FREM2: variants seen among roughly 807,000 people sequenced by gnomAD.
FREM2 encodes the protein FRAS1 related extracellular matrix 2, also known as FRAS1-related extracellular matrix protein 2.
A neutral mutation model predicts 219.9 loss-of-function variants in FREM2; 119 were observed. The ratio of observed to expected loss-of-function variants is 0.54; its 90% CI spans 0.47 to 0.63. FREM2 has a LOEUF of 0.63. FREM2 is among the 30% of genes least tolerant of loss of function. FREM2 has a pLI of 0.00. For synonymous variants in FREM2, 1,562 were observed against 1,522.8 expected (o/e 1.03, Z -0.60); for missense variants, 4,030 against 3,993.6 (o/e 1.01, Z -0.25).
chr13:38,811,114 C>T (rs1321324445), intron 6 of FREM2, among the ~76,000 whole-genome samples: 4 of 151,898 alleles, frequency 2.6e-5, no homozygotes, highest in Non-Finnish European at 5.9e-5. Context: ...TATGGTTACT[C>T]ATAGTCACTA....
intron 6 of FREM2, among the ~76,000 whole-genome samples, chr13:38,818,023 T>TA (rs1382846970): frequency 6.6e-6 from 1 of 151,972 alleles, no homozygotes; most frequent in African/African-American, 2.4e-5. Flanking sequence ...ATGGCTATTA[T>TA]AAAAAAAGAC....
intron 19 of FREM2, 32 bp downstream of exon 19, chr13:38,876,181 T>A: frequency 6.2e-7 from 1 of 1,614,124 alleles, no homozygotes; most frequent in Non-Finnish European, 8.5e-7. Flanking sequence ...TTAATTTTCT[T>A]CTGCTGCTGC....
rs541111703 is a variant in FREM2, at chr13:38,783,313, T to C, written c.5767+118T>C. 174 of 1,089,638 alleles carry C rather than the reference T, an allele frequency of 1.6e-4. No homozygotes were observed. In the African/African-American group the frequency reaches 2.4e-3, roughly 15 times the overall value. 67.5% of individuals were successfully genotyped at this position (1,089,638 alleles called of 1,614,324 possible). Reference sequence around the variant, plus strand: ...GTATACTTTATTAATTTTCCATAGATACAGAAAAGGATTTATTTAGAAGTC... The same window carrying C: ...GTATACTTTATTAATTTTCCATAGACACAGAAAAGGATTTATTTAGAAGTC... On this transcript the variant is annotated intron_variant, in intron 5 of 23. Transcript: ENST00000280481.
At chr13:38,869,025 G>A (rs1878067843) in intron 16 of FREM2, among the ~76,000 whole-genome samples, 1 of 152,228 alleles carries the variant, frequency 6.6e-6, no homozygotes, top group Non-Finnish European at 1.5e-5. Context: ...CAAGCGCCTA[G>A]CAGACATTAC....
At chr13:38,843,899 T>C (rs1256815006) in intron 6 of FREM2, among the ~76,000 whole-genome samples, 1 of 152,150 alleles carries the variant, frequency 6.6e-6, no homozygotes, top group Non-Finnish European at 1.5e-5. Flanking sequence ...AGTTTTTTTT[T>C]TTCTTATGGA....
intron 6 of FREM2, among the ~76,000 whole-genome samples, chr13:38,818,916 CT>C (rs1224183539): frequency 1.3e-5 from 2 of 151,940 alleles, no homozygotes; most frequent in Non-Finnish European, 2.9e-5. Flanking sequence ...AGAAGAAAGG[CT>C]TTTGAGTGTT....
rs775295279 is a variant in FREM2 at position 38,689,413 on chromosome 13, T to G, written c.2069T>G (p.Val690Gly). ...AATCAGTCCGGGCTACAGCGGTTTG[T>G]GATTCGTATCCATCCTGTGGATCGC... ...PPNQSGLQRFVIRIHPVDRLP... is the reference protein window; with the variant it reads ...PPNQSGLQRFGIRIHPVDRLP... The change falls in exon 1 of 24, where the codon GTG becomes GGG. Residue 690 changes from valine to glycine, a missense_variant. Coordinates refer to ENST00000280481, the MANE Select transcript of FREM2 (RefSeq NM_207361.6). 9.9e-6 allele frequency: 16 copies of G among 1,614,034 alleles called. No individual in the cohort carries two copies. The highest frequency in any genetic ancestry group is 1.2e-5 in the Non-Finnish European group (14 of 1,179,954).
chr13:38,835,773 T>C (rs1364395583), intron 6 of FREM2, among the ~76,000 whole-genome samples: 1 of 152,218 alleles, frequency 6.6e-6, no homozygotes, highest in Non-Finnish European at 1.5e-5. Flanking sequence ...TAGGAATGCT[T>C]GTGATTTTTG....
At chr13:38,861,677 G>GA in intron 15 of FREM2, 115 bp downstream of exon 15, 4 of 1,132,224 alleles carry the variant, frequency 3.5e-6, no homozygotes, top group South Asian at 1.3e-5. Context: ...TTTGCAACTT[G>GA]AGCTTCAAGT....
intron 6 of FREM2, among the ~76,000 whole-genome samples, chr13:38,792,324 G>C (rs1276961535): frequency 6.6e-6 from 1 of 152,150 alleles, no homozygotes; most frequent in Non-Finnish European, 1.5e-5. Context: ...ACTCCAGCCT[G>C]GGCAACAAGC....
chr13:38,863,208 C>G (rs1410625944), intron 15 of FREM2, among the ~76,000 whole-genome samples: 2 of 152,056 alleles, frequency 1.3e-5, no homozygotes, highest in Non-Finnish European at 2.9e-5. Context: ...CATCACCATG[C>G]CTGGCTAATT....
At chr13:38,796,438 T>A (rs952609927) in intron 6 of FREM2, among the ~76,000 whole-genome samples, 2 of 152,156 alleles carry the variant, frequency 1.3e-5, no homozygotes, top group Non-Finnish European at 2.9e-5. Context: ...TTCTTTATAT[T>A]CCACCATGAC....
At position 38,872,827 on chromosome 13, in the gene FREM2, G is replaced by A. The variant is rs745999280; in HGVS notation, c.8069G>A (p.Gly2690Asp). Reference protein sequence around the residue: ...YVFHSPVGVGGWQHFDLKSEL... With the variant: ...YVFHSPVGVGDWQHFDLKSEL... ...TTCCATTCCCCCGTGGGGGTAGGAG[G>A]CTGGCAGCATTTTGACTTGAAGTCA... is the stretch of plus-strand genomic sequence containing the variant. The change falls in exon 17 of 24, where the codon GGC (glycine) becomes GAC (aspartate). Residue 2690 changes from glycine (G) to aspartate (D), a missense_variant. By Grantham distance (94) the Gly-to-Asp change is moderately conservative. Around this residue, in one of 2 missense-constraint regions of FREM2, gnomAD observed 928 missense variants for 1,042.9 expected, o/e 0.89. Transcript: ENST00000280481. 2.5e-6 allele frequency: 4 copies of A among 1,613,916 alleles called. No homozygotes were observed. The African/African-American group carries it at 5.3e-5, about 22-fold the overall frequency.
chr13:38,854,910 C>G (rs1260212690), intron 11 of FREM2, among the ~76,000 whole-genome samples: 1 of 152,148 alleles, frequency 6.6e-6, no homozygotes, highest in Non-Finnish European at 1.5e-5. Flanking sequence ...TGAACTGCAG[C>G]TACATCAGAA....
chr13:38,720,024 A>G (rs1871159342), intron 2 of FREM2, among the ~76,000 whole-genome samples: 1 of 152,200 alleles, frequency 6.6e-6, no homozygotes, highest in South Asian at 2.1e-4. Context: ...CCAACAACAT[A>G]TTAAGTACAC....
At chr13:38,867,190 T>G (rs1162621594) in intron 16 of FREM2, among the ~76,000 whole-genome samples, 5 of 152,236 alleles carry the variant, frequency 3.3e-5, no homozygotes, top group Non-Finnish European at 5.9e-5. Flanking sequence ...AAGCTTATGT[T>G]CCATAATACT....
At position 38,858,011 on chromosome 13, in the gene FREM2, G is replaced by A; in HGVS notation, c.7193G>A (p.Gly2398Asp). 2 of 1,613,884 alleles carry A rather than the reference G, an allele frequency of 1.2e-6. No homozygotes were observed. Among genetic ancestry groups the A allele is most frequent in the Non-Finnish European group, 1.7e-6 (2 of 1,179,862 alleles). The change falls in exon 13 of 24, where the codon GGC becomes GAC. Residue 2398 changes from glycine to aspartate, a missense_variant. By Grantham distance (94) the Gly-to-Asp change is moderately conservative. This residue lies in a region of FREM2 where 928 missense variants were observed against 1,042.9 expected (regional missense o/e 0.89). Coordinates refer to ENST00000280481, the MANE Select transcript of FREM2 (RefSeq NM_207361.6). ...AAGGAGAGTGCTGAACCCATGTCTG[G>A]CTATCCTGTCATCTGTATCACAGTG... The part of the protein sequence containing the change: ...KAKESAEPMS[G>D]YPVICITACN...
At chr13:38,728,136 C>T (rs1486088201) in intron 2 of FREM2, among the ~76,000 whole-genome samples, 4 of 151,730 alleles carry the variant, frequency 2.6e-5, no homozygotes, top group Admixed American at 1.3e-4. Context: ...TAAGCTTTGC[C>T]GTGTTCAGCA....
rs191845686 is a variant in FREM2, at chr13:38,738,481, G to T, written c.5264-25823G>T. Among the ~76,000 whole-genome samples, 5 of 144,432 alleles carry T rather than the reference G, an allele frequency of 3.5e-5. No individual in the cohort carries two copies. In the East Asian group the frequency reaches 1.1e-3, roughly 30 times the overall value. The allele number at this position is 144,432 out of a possible 152,430, so 94.8% of individuals were successfully genotyped here. On this transcript the variant is annotated intron_variant, in intron 2 of 23. Transcript: ENST00000280481. ...CTTGGGAGGCTGAGGCAGGAGAATC[G>T]CATGAACCTGGCAGGTGGAGGTTGC...
Sources: allele counts gnomAD v4.1 joint callset (sites outside exome capture counted in the v4.1 genomes callset), GRCh38; gene constraint gnomAD v4.1.1; regional missense constraint gnomAD v4.1.1; transcripts MANE v1.5; gene names NCBI Gene and HGNC (gene_info 2026-07-23, HGNC 2026-07-21).